XDH: variants seen among roughly 807,000 people sequenced by gnomAD.
The protein encoded by XDH is xanthine dehydrogenase/oxidase.
XDH carries 138 observed loss-of-function variants against 156.1 expected under a neutral mutation model. That is an observed-to-expected ratio of 0.88 (90% CI 0.77 to 1.02). XDH has a LOEUF of 1.02. Among genes scored for constraint, XDH ranks in the 50% least tolerant of loss-of-function variants. The pLI is 0.00. For synonymous variants in XDH, 669 were observed against 625.7 expected, an observed-to-expected ratio of 1.07 and a Z score of -1.03; for missense variants, 1,849 against 1,684.9, an observed-to-expected ratio of 1.10 and a Z score of -1.71.
chr2:31,413,381 C>T (rs1687392671), intron 1 of XDH, among the ~76,000 whole-genome samples: 1 of 152,148 alleles, frequency 6.6e-6, no homozygotes, highest in Non-Finnish European at 1.5e-5. Context: ...GTACCAGGTG[C>T]CAACCCTGAA....
intron 15 of XDH, among the ~76,000 whole-genome samples, chr2:31,375,027 T>C (rs200615724): frequency 1.2e-4 from 14 of 120,552 alleles, no homozygotes; most frequent in South Asian, 5.6e-4. Context: ...TTCTTTCTTT[T>C]TTTTTTTTTT....
rs777141787 is a variant in XDH, at chr2:31,368,590, T to C, written c.2051A>G (p.Gln684Arg). Reference protein sequence around the residue: ...DTPEHTQRAAQGVKITYEELP... With the variant: ...DTPEHTQRAARGVKITYEELP... Reference sequence around the variant, plus strand: ...TTCTTCATAGGTGATTTTCACCCCTTGGGCAGCTCTCTGTGTGTGTTCCGG... The same window carrying C: ...TTCTTCATAGGTGATTTTCACCCCTCGGGCAGCTCTCTGTGTGTGTTCCGG... Residue 684 changes from glutamine (Q) to arginine (R), a missense_variant, in exon 19 of 36, where the codon CAA (glutamine) becomes CGA (arginine). Physicochemically the swap from Gln to Arg is conservative, Grantham distance 43. Transcript: ENST00000379416. 1 of 1,614,212 alleles carries C rather than the reference T, an allele frequency of 6.2e-7. No homozygotes were observed. The highest frequency in any genetic ancestry group is 8.5e-7 in the Non-Finnish European group (1 of 1,180,028).
intron 16 of XDH, 83 bp downstream of exon 16, chr2:31,373,790 G>C (rs1014403180): frequency 7.3e-5 from 100 of 1,370,178 alleles, no homozygotes; most frequent in Non-Finnish European, 9.3e-5. Context: ...ATTCAAGTTA[G>C]TCATTAGCCG....
chr2:31,406,758 C>T (rs886241855), intron 1 of XDH, among the ~76,000 whole-genome samples: 1 of 152,156 alleles, frequency 6.6e-6, no homozygotes, highest in African/African-American at 2.4e-5. Context: ...ATGCAGATCT[C>T]GGACTTTGCC....
chr2:31,385,070 G>A (rs1488002736), intron 9 of XDH, among the ~76,000 whole-genome samples: 2 of 152,190 alleles, frequency 1.3e-5, no homozygotes, highest in African/African-American at 4.8e-5. Context: ...CAGGGAGCAT[G>A]CAAGTGTGAA....
At chr2:31,397,819 T>C (rs902223437) in intron 5 of XDH, 90 bp from the exon 6 acceptor site, 1 of 1,438,644 alleles carries the variant, frequency 7.0e-7, no homozygotes, top group African/African-American at 1.4e-5. Flanking sequence ...AGTTGGGTGC[T>C]CTCTTTACCA....
At chr2:31,347,450 A>T in intron 29 of XDH, 72 bp downstream of exon 29, 1 of 1,608,054 alleles carries the variant, frequency 6.2e-7, no homozygotes, top group Non-Finnish European at 8.5e-7. Context: ...TCTAGCTCCC[A>T]CCCAGGGAGA....
intron 16 of XDH, among the ~76,000 whole-genome samples, 157 bp from the exon 17 acceptor site, chr2:31,372,554 T>C (rs942624525): frequency 2.6e-5 from 4 of 152,146 alleles, no homozygotes; most frequent in African/African-American, 9.7e-5. Context: ...AACAGGAAGG[T>C]GCATAAGTGA....
At position 31,386,443 on chromosome 2, in the gene XDH, G is replaced by C; in HGVS notation, c.764C>G (p.Ala255Gly). Residue 255 changes from alanine (A) to glycine (G), a missense_variant, in exon 9 of 36, where the codon GCC (alanine) becomes GGC (glycine). Transcript: ENST00000379416. ...CTCCGTGTTCCCCACGACCAGCTTG[G>C]CGTCAGGGTGCTGAGCCTTGAGGTC... ...LLDLKAQHPD[A>G]KLVVGNTEIG... The C allele has an allele frequency of 1.2e-6, 2 of 1,613,870 alleles. No homozygotes were observed. The highest frequency in any genetic ancestry group is 2.7e-5 in the African/African-American group (2 of 75,008).
At chr2:31,380,299 G>T (rs1686403205) in intron 12 of XDH, among the ~76,000 whole-genome samples, 1 of 152,200 alleles carries the variant, frequency 6.6e-6, no homozygotes, top group Non-Finnish European at 1.5e-5. Context: ...AAGAAGGCAG[G>T]AAAGAGTTAG....
chr2:31,355,847 A>G (rs1685609440), intron 24 of XDH, among the ~76,000 whole-genome samples: 1 of 152,208 alleles, frequency 6.6e-6, no homozygotes, highest in Non-Finnish European at 1.5e-5. Context: ...ATTTACAAAC[A>G]TGACCCAATT....
At chr2:31,402,914 G>C in intron 3 of XDH, 134 bp downstream of exon 3, 1 of 930,022 alleles carries the variant, frequency 1.1e-6, no homozygotes, top group Non-Finnish European at 1.7e-6. Flanking sequence ...GTTTTCCTGT[G>C]CACAGATTCT....
At chr2:31,407,418 T>C (rs765157222) in intron 1 of XDH, among the ~76,000 whole-genome samples, 2 of 151,962 alleles carry the variant, frequency 1.3e-5, no homozygotes, top group Non-Finnish European at 2.9e-5. Context: ...GGCTTGGAGG[T>C]CTTTAAATCA....
chr2:31,345,499 A>G (rs1239303252), intron 30 of XDH, among the ~76,000 whole-genome samples: 1 of 152,236 alleles, frequency 6.6e-6, no homozygotes, highest in Non-Finnish European at 1.5e-5. Context: ...CTTCATTAGC[A>G]GCCACCAAAC....
In XDH at chr2:31,372,310, C is replaced by T. The variant is rs141314828; in HGVS notation, c.1774G>A (p.Val592Met). The change falls in exon 17 of 36, where the codon GTG becomes ATG. Residue 592 changes from valine to methionine, a missense_variant. Coordinates refer to ENST00000379416, the MANE Select transcript of XDH (RefSeq NM_000379.4). Reference sequence around the variant, plus strand: ...TAGCGAGGAATGTCGTCACAGTACACGGCCTCACCAGAGGCCTGCATGTCC... The same window carrying T: ...TAGCGAGGAATGTCGTCACAGTACATGGCCTCACCAGAGGCCTGCATGTCC... ...AADMQASGEA[V>M]YCDDIPRYEN... The T allele has an allele frequency of 2.3e-4, 370 of 1,614,222 alleles. No homozygotes were observed. The African/African-American group carries it at 3.8e-3, about 16-fold the overall frequency.
intron 4 of XDH, among the ~76,000 whole-genome samples, chr2:31,399,835 C>T (rs527583146): frequency 6.6e-6 from 1 of 152,318 alleles, no homozygotes; most frequent in African/African-American, 2.4e-5. Context: ...CCATGTGGAA[C>T]TGAATCCATT....
At chr2:31,392,772 A>T (rs1686802462) in intron 6 of XDH, among the ~76,000 whole-genome samples, 1 of 152,158 alleles carries the variant, frequency 6.6e-6, no homozygotes, top group South Asian at 2.1e-4. Context: ...CAATACTATA[A>T]ATTTCCCTCT....
Sources: gnomAD v4.1 joint callset for allele counts (sites outside exome capture counted in the v4.1 genomes callset) on GRCh38, gnomAD v4.1.1 for gene constraint, MANE v1.5 for transcripts, NCBI Gene and HGNC (gene_info 2026-07-23, HGNC 2026-07-21) for gene names.